The following PHLPP1 variants were observed in gnomAD, a reference collection of about 807,000 sequenced individuals.
PHLPP1 encodes the protein PH domain and leucine rich repeat protein phosphatase 1, also known as PH domain leucine-rich repeat-containing protein phosphatase 1.
Under a neutral mutation model 117.2 loss-of-function variants are expected in PHLPP1, and 42 were observed. The ratio of observed to expected loss-of-function variants is 0.36; its 90% confidence interval spans 0.28 to 0.46. The LOEUF is 0.46. PHLPP1 is among the 20% of genes least tolerant of loss of function. PHLPP1 has a pLI of 1.00. For missense variants in PHLPP1, 2,084 were observed against 2,241.9 expected (o/e 0.93, Z 1.42); for synonymous variants, 1,042 against 970.7 (o/e 1.07, Z -1.37).
intron 10 of PHLPP1, among the ~76,000 whole-genome samples, chr18:62,922,899 A>T (rs1909516757): frequency 6.6e-6 from 1 of 152,190 alleles, no homozygotes; most frequent in African/African-American, 2.4e-5. Flanking sequence ...AGGATTGAGA[A>T]CCACTGCCTT....
chr18:62,731,677 G>A (rs1162714247), intron 1 of PHLPP1, among the ~76,000 whole-genome samples: 1 of 152,128 alleles, frequency 6.6e-6, no homozygotes, highest in Non-Finnish European at 1.5e-5. Flanking sequence ...TCTGACAAAG[G>A]CCAAAAGCTA....
rs72945530 is a variant in PHLPP1 at position 62,770,606 on chromosome 18, G to A, written c.1576+53347G>A. 3.8e-3 allele frequency among the ~76,000 whole-genome samples: 571 copies of A among 152,128 alleles called. 3 individuals carry two copies. The highest frequency in any genetic ancestry group is 5.3e-3 in the Non-Finnish European group (363 of 68,010). ...TTTAGAAATATATTGGTGATGCATC[G>A]GTTCTTGAATTTGAGAAAATCCATG... On this transcript the variant is annotated intron_variant, in intron 1 of 16. Coordinates refer to ENST00000262719, the MANE Select transcript of PHLPP1 (RefSeq NM_194449.4).
intron 8 of PHLPP1, among the ~76,000 whole-genome samples, chr18:62,913,535 C>G (rs1043827692): frequency 1.3e-5 from 2 of 152,140 alleles, no homozygotes; most frequent in Admixed American, 6.5e-5. Flanking sequence ...CATGTTTTCA[C>G]AGAATTACTC....
intron 1 of PHLPP1, among the ~76,000 whole-genome samples, chr18:62,796,655 A>G (rs897598746): frequency 6.6e-6 from 1 of 152,228 alleles, no homozygotes; most frequent in African/African-American, 2.4e-5. Context: ...GAAAAAGTTC[A>G]GTTCTTTTCT....
At chr18:62,905,125 A>G in intron 7 of PHLPP1, 99 bp from the exon 8 acceptor site, 1 of 594,808 alleles carries the variant, frequency 1.7e-6, no homozygotes, top group Middle Eastern at 2.8e-4. Context: ...TAAACAAACA[A>G]TAGAGAATAA....
At chr18:62,876,982 A>C (rs57925596) in intron 4 of PHLPP1, among the ~76,000 whole-genome samples, 1 of 152,040 alleles carries the variant, frequency 6.6e-6, no homozygotes, top group African/African-American at 2.4e-5. Flanking sequence ...GAAAGAGTGA[A>C]TGGAGTTGGG....
At chr18:62,759,813 T>A (rs942805744) in intron 1 of PHLPP1, among the ~76,000 whole-genome samples, 1 of 152,182 alleles carries the variant, frequency 6.6e-6, no homozygotes, top group African/African-American at 2.4e-5. Flanking sequence ...ATTAGCTATA[T>A]TGTTCCTCCC....
Position 62,716,186 on chromosome 18 carries a change from G to C in PHLPP1, c.503G>C (p.Cys168Ser), listed in dbSNP as rs1317637156. Residue 168 changes from cysteine (C) to serine (S), a missense_variant, in exon 1 of 17, where the codon TGC (cysteine) becomes TCC (serine). Transcript: ENST00000262719. The surrounding 1 kb of genome is among the most constrained non-coding windows in gnomAD (Gnocchi z 5.7). The stretch of plus-strand genomic sequence containing the variant: ...TCCTGCTCGGCCTCGGCGTCGCTGT[G>C]CACCCGGAGCCTGGACAGGAAGACG... The part of the protein sequence containing the change: ...PASCSASASL[C>S]TRSLDRKTLL... 6.6e-7 allele frequency: 1 copy of C among 1,520,492 alleles called. No individual in the cohort carries two copies. Among genetic ancestry groups the C allele is most frequent in the South Asian group, 1.2e-5 (1 of 82,252 alleles). 94.2% of individuals were successfully genotyped at this position (1,520,492 alleles called of 1,614,324 possible).
At chr18:62,786,171 G>A (rs1003078843) in intron 1 of PHLPP1, among the ~76,000 whole-genome samples, 1 of 152,196 alleles carries the variant, frequency 6.6e-6, no homozygotes, top group African/African-American at 2.4e-5. Flanking sequence ...ATGCTCACAG[G>A]TAAAAGTCAG....
chr18:62,951,238 C>G (rs973470536), intron 12 of PHLPP1, among the ~76,000 whole-genome samples: 1 of 152,160 alleles, frequency 6.6e-6, no homozygotes, highest in African/African-American at 2.4e-5. Flanking sequence ...GCCTCGTCCT[C>G]CCAAAGTGCT....
intron 4 of PHLPP1, among the ~76,000 whole-genome samples, chr18:62,866,722 ATT>A (rs1438492018): frequency 6.6e-6 from 1 of 152,198 alleles, no homozygotes; most frequent in South Asian, 2.1e-4. Context: ...GTGGAGGGAT[ATT>A]TTGGGCATGA....
intron 1 of PHLPP1, among the ~76,000 whole-genome samples, chr18:62,732,010 A>G (rs1911238973): frequency 6.6e-6 from 1 of 152,242 alleles, no homozygotes; most frequent in Non-Finnish European, 1.5e-5. Context: ...TGTCCATAAT[A>G]CAAAGGTGCA....
chr18:62,822,665 C>G (rs981900038), intron 1 of PHLPP1, among the ~76,000 whole-genome samples: 2 of 152,202 alleles, frequency 1.3e-5, no homozygotes, highest in African/African-American at 4.8e-5. Context: ...GCTTTCACCA[C>G]TTCTGTTCAA....
At chr18:62,867,782 A>C (rs1305663477) in intron 4 of PHLPP1, among the ~76,000 whole-genome samples, 1 of 152,118 alleles carries the variant, frequency 6.6e-6, no homozygotes, top group Non-Finnish European at 1.5e-5. Context: ...TAATGAGTGG[A>C]AAAGAGAGGA....
At chr18:62,892,131 C>CA (rs1275580783) in intron 4 of PHLPP1, among the ~76,000 whole-genome samples, 1 of 141,456 alleles carries the variant, frequency 7.1e-6, no homozygotes, top group Admixed American at 7.3e-5. Flanking sequence ...TCCTGTCACC[C>CA]AGGCTGGAAT....
At chr18:62,917,231 T>C (rs1909316610) in intron 9 of PHLPP1, among the ~76,000 whole-genome samples, 1 of 146,660 alleles carries the variant, frequency 6.8e-6, no homozygotes, top group Non-Finnish European at 1.5e-5. Flanking sequence ...TTTATATATA[T>C]AAACAAACAA....
intron 1 of PHLPP1, among the ~76,000 whole-genome samples, chr18:62,823,652 CAG>C (rs966904191): frequency 3.2e-4 from 46 of 141,918 alleles, no homozygotes; most frequent in African/African-American, 1.1e-3. Context: ...AGATATCTGA[CAG>C]AGGATTTATG....
chr18:62,967,910 C>T (rs980007847), intron 14 of PHLPP1, among the ~76,000 whole-genome samples: 29 of 151,730 alleles, frequency 1.9e-4, no homozygotes, highest in Admixed American at 2.6e-4. Context: ...CCGCAACCTC[C>T]GCCTCCCGGG....
intron 9 of PHLPP1, among the ~76,000 whole-genome samples, chr18:62,918,433 T>A (rs1005006628): frequency 6.7e-6 from 1 of 149,018 alleles, no homozygotes; most frequent in Non-Finnish European, 1.5e-5. Flanking sequence ...AGGATAAATA[T>A]ATATATATAT....
Sources: allele counts gnomAD v4.1 joint callset (sites outside exome capture counted in the v4.1 genomes callset), GRCh38; gene constraint gnomAD v4.1.1; non-coding constraint Gnocchi (gnomAD v3.1); transcripts MANE v1.5; gene names NCBI Gene and HGNC (gene_info 2026-07-23, HGNC 2026-07-21).